Variants in MKI67 observed in about 807,000 individuals in gnomAD.
The protein encoded by MKI67 is proliferation marker protein Ki-67.
MKI67 carries 152 observed loss-of-function variants against 233.5 expected under a neutral mutation model. The ratio of observed to expected loss-of-function variants is 0.65; its 90% CI spans 0.57 to 0.74. The LOEUF (loss-of-function observed/expected upper bound fraction) is 0.74, where lower values mean the gene tolerates loss of function less well. MKI67 is among the 30% of genes least tolerant of loss of function. MKI67 has a pLI of 0.00. For synonymous variants in MKI67, 1,465 were observed against 1,418.5 expected, an observed-to-expected ratio of 1.03 and a Z score of -0.74; for missense variants, 3,940 against 3,885.2, an observed-to-expected ratio of 1.01 and a Z score of -0.37.
At position 128,103,753 on chromosome 10, in the gene MKI67, AGT is replaced by A; in HGVS notation, c.8085_8086del (p.Leu2696AspfsTer7). ...TATTTTAGTGGCTTTGCCAGCAGTCAGTGATTCCTGAGTGTGACCTGATGTTT... is the reference window on the plus strand; with the variant it reads ...TATTTTAGTGGCTTTGCCAGCAGTCAGATTCCTGAGTGTGACCTGATGTTT... On this transcript the variant is annotated frameshift_variant, in exon 13 of 15. Transcript: ENST00000368654. LOFTEE classifies it high-confidence loss of function. 1.2e-6 allele frequency: 2 copies of A among 1,613,622 alleles called. No homozygotes were observed. The highest frequency in any genetic ancestry group is 1.7e-6 in the Non-Finnish European group (2 of 1,179,966).
chr10:128,103,092 T>C lies in MKI67; in HGVS notation c.8748A>G (p.Glu2916=). ...AGAGCTCTTGGAAGCTGGCCAGATC[T>C]TCCAGGGGTTGGGCCTTTTCCTTAG... ...RAPKEKAQPL[E]DLASFQELSQ... Residue 2916 remains glutamate (E), a synonymous_variant, in exon 13 of 15, where the codon GAA becomes GAG. Coordinates refer to ENST00000368654, the MANE Select transcript of MKI67 (RefSeq NM_002417.5). 6.2e-7 allele frequency: 1 copy of C among 1,614,250 alleles called. No homozygotes were observed. Among genetic ancestry groups the C allele is most frequent in the Non-Finnish European group, 8.5e-7 (1 of 1,180,044 alleles).
Position 128,099,138 on chromosome 10 carries a change from G to T in MKI67, c.*52C>A. Reference sequence around the variant, plus strand: ...GTAATTTATGACAAAAACTGCACTAGAACTTATCACAAAACTAACTTTATT... The same window carrying T: ...GTAATTTATGACAAAAACTGCACTATAACTTATCACAAAACTAACTTTATT... On this transcript the variant is annotated 3_prime_UTR_variant, in exon 15 of 15. Transcript: ENST00000368654. 7.0e-7 allele frequency: 1 copy of T among 1,426,812 alleles called. No homozygotes were observed. The allele number at this position is 1,426,812 out of a possible 1,614,324, so 88.4% of individuals were successfully genotyped here. A position where few individuals can be genotyped will look rare whatever the true frequency, so the allele number is the denominator to read the frequency against.
rs149176396 is a variant in MKI67, at chr10:128,110,506, A to T, written c.2288T>A (p.Val763Glu). 1 of 1,564,672 alleles carries T rather than the reference A, an allele frequency of 6.4e-7. No homozygotes were observed. Among genetic ancestry groups the T allele is most frequent in the Non-Finnish European group, 8.7e-7 (1 of 1,142,874 alleles). The part of the protein sequence containing the change: ...SGIAEMFKTP[V>E]KEQPQLTSTC... ...GCTTGTCAACTGCGGTTGCTCCTTC[A>T]CTGGGGTCTTGAACATTTCAGCTAT... Residue 763 changes from valine (V) to glutamate (E), a missense_variant, in exon 12 of 15, where the codon GTG becomes GAG. Physicochemically the swap from Val to Glu is moderately radical, Grantham distance 121. Transcript: ENST00000368654.
At chr10:128,113,961 G>A (rs1852737399) in intron 7 of MKI67, among the ~76,000 whole-genome samples, 1 of 152,126 alleles carries the variant, frequency 6.6e-6, no homozygotes, top group African/African-American at 2.4e-5. Flanking sequence ...CTCAGCCTGA[G>A]CCACCCAGTG....
chr10:128,117,711 T>C (rs1179182353), intron 5 of MKI67, among the ~76,000 whole-genome samples: 1 of 152,236 alleles, frequency 6.6e-6, no homozygotes, highest in Non-Finnish European at 1.5e-5. Context: ...TTATTTCCAA[T>C]CTGAAGTGGA....
chr10:128,102,875 T>C lies in MKI67; in HGVS notation c.8965A>G (p.Thr2989Ala), dbSNP rs1203346373. The C allele has an allele frequency of 2.5e-6, 4 of 1,614,166 alleles. No individual in the cohort carries two copies. Among genetic ancestry groups the C allele is most frequent in the African/African-American group, 1.3e-5 (1 of 75,036 alleles). The change falls in exon 13 of 15, where the codon ACT becomes GCT. Residue 2989 changes from threonine to alanine, a missense_variant. Coordinates refer to ENST00000368654, the MANE Select transcript of MKI67 (RefSeq NM_002417.5). ...TTGAAGGGCAGTGGGGGCAGGGAAG[T>C]GTTGCTTTTGCTTTGTGATTTTACA... ...DPVKSQSKSNTSLPPLPFKRG... is the reference protein window; with the variant it reads ...DPVKSQSKSNASLPPLPFKRG...
chr10:128,115,481 A>T lies in MKI67; in HGVS notation c.927T>A (p.Pro309=), dbSNP rs780113234. ...CCTTGTTCTGGTCAAGCTCTTGTTC[A>T]GGTGAAGCAGGCTCTGCCACAGCGT... The part of the protein sequence containing the change: ...SGHAVAEPAS[P]EQELDQNKGK... The change falls in exon 7 of 15, where the codon CCT becomes CCA. Residue 309 remains proline, a synonymous_variant. Transcript: ENST00000368654. The T allele has an allele frequency of 1.2e-6, 2 of 1,613,906 alleles. No homozygotes were observed. The highest frequency in any genetic ancestry group is 1.1e-5 in the South Asian group (1 of 91,024).
chr10:128,115,459 T>C lies in MKI67; in HGVS notation c.949A>G (p.Lys317Glu), dbSNP rs1852781237. 1.9e-6 allele frequency: 3 copies of C among 1,613,694 alleles called. No individual in the cohort carries two copies. Among genetic ancestry groups the C allele is most frequent in the Non-Finnish European group, 2.5e-6 (3 of 1,179,926 alleles). ...GACTCCACGTCTCTTCCCTTCCCCTTGTTCTGGTCAAGCTCTTGTTCAGGT... is the reference window on the plus strand; with the variant it reads ...GACTCCACGTCTCTTCCCTTCCCCTCGTTCTGGTCAAGCTCTTGTTCAGGT... ...ASPEQELDQN[K>E]GKGRDVESVQ... The change falls in exon 7 of 15, where the codon AAG becomes GAG. Residue 317 changes from lysine (K) to glutamate (E), a missense_variant. Lys to Glu is a moderately conservative substitution (Grantham distance 56). Coordinates refer to ENST00000368654, the MANE Select transcript of MKI67 (RefSeq NM_002417.5).
intron 12 of MKI67, 115 bp from the exon 13 acceptor site, chr10:128,109,538 C>T (rs927058733): frequency 4.6e-6 from 5 of 1,084,324 alleles, no homozygotes; most frequent in Non-Finnish European, 6.5e-6. Context: ...ATTCACTGAA[C>T]GACATGAGGC....
In MKI67 at chr10:128,105,302, G is replaced by C; in HGVS notation, c.6538C>G (p.Gln2180Glu). The C allele has an allele frequency of 6.2e-7, 1 of 1,614,064 alleles. No homozygotes were observed. Among genetic ancestry groups the C allele is most frequent in the Admixed American group, 1.7e-5 (1 of 60,014 alleles). Residue 2180 changes from glutamine to glutamate, a missense_variant, in exon 13 of 15, where the codon CAG becomes GAG. Physicochemically the swap from Gln to Glu is conservative, Grantham distance 29 (BLOSUM62 2). Transcript: ENST00000368654. ...GCTTTTCCCTTAGGAGTTCTTGGCT[G>C]CCTCTTGCTACCAGTTACACTTGCT... ...PAASVTGSKR[Q>E]PRTPKGKAQP...
chr10:128,120,684 C>A lies in MKI67; in HGVS notation c.288-1365G>T, dbSNP rs531346385. Among the ~76,000 whole-genome samples the A allele has an allele frequency of 3.9e-5, 6 of 152,162 alleles. No individual in the cohort carries two copies. In the South Asian group the frequency reaches 8.3e-4, roughly 21 times the overall value. The stretch of plus-strand genomic sequence containing the variant: ...ACAAATGAAGACAATAACAGAGATT[C>A]ATTTAGCAGAATGGATTTTTAAATG... On this transcript the variant is annotated intron_variant, in intron 4 of 14. Transcript: ENST00000368654.
In MKI67 at chr10:128,113,509, G is replaced by A. The variant is rs201423368; in HGVS notation, c.1574C>T (p.Thr525Met). ...TGGGGCTTCTCCCCTTTTGAGAGGC[G>A]TATTAGGAGGCAAGTTTTCATCAAA... ...ELFDENLPPN[T>M]PLKRGEAPTK... The change falls in exon 8 of 15, where the codon ACG (threonine) becomes ATG (methionine). Residue 525 changes from threonine (T) to methionine (M), a missense_variant. Thr to Met is a moderately conservative substitution (Grantham distance 81). Coordinates refer to ENST00000368654, the MANE Select transcript of MKI67 (RefSeq NM_002417.5). 77 of 1,614,004 alleles carry A rather than the reference G, an allele frequency of 4.8e-5. No individual in the cohort carries two copies. The highest frequency in any genetic ancestry group is 5.8e-5 in the Non-Finnish European group (68 of 1,180,012).
At chr10:128,119,103 C>A (rs1205180457) in intron 5 of MKI67, 150 bp downstream of exon 5, 3 of 643,464 alleles carry the variant, frequency 4.7e-6, no homozygotes, top group Non-Finnish European at 8.3e-6. Flanking sequence ...CGTCTAAGTT[C>A]AACTCGTTTT....
chr10:128,112,869 C>A (rs1852712030), intron 8 of MKI67, among the ~76,000 whole-genome samples: 2 of 152,152 alleles, frequency 1.3e-5, no homozygotes, highest in Admixed American at 1.3e-4. Flanking sequence ...GAAAGACCGC[C>A]CAGGCCCTAT....
intron 4 of MKI67, among the ~76,000 whole-genome samples, chr10:128,120,350 G>A (rs1313837346): frequency 6.6e-6 from 1 of 151,928 alleles, no homozygotes; most frequent in African/African-American, 2.4e-5. Flanking sequence ...AAATTAGCCG[G>A]GTGTTGTGGC....
At chr10:128,113,276 T>C (rs1852721936) in intron 8 of MKI67, 151 bp downstream of exon 8, 2 of 939,522 alleles carry the variant, frequency 2.1e-6, no homozygotes, top group African/African-American at 1.7e-5. Context: ...CCCACATCAA[T>C]GAGCTTTCAT....
In MKI67 at chr10:128,112,454, A is replaced by G. The variant is rs759090748; in HGVS notation, c.1657-9T>C. 1.2e-6 allele frequency: 2 copies of G among 1,611,628 alleles called. No individual in the cohort carries two copies. Among genetic ancestry groups the G allele is most frequent in the Non-Finnish European group, 1.7e-6 (2 of 1,178,370 alleles). ...GATGGTTGAGGCTGTTCCTGACAAGACAAAATTGTTTACAAGAAGCCTTAA... is the reference window on the plus strand; with the variant it reads ...GATGGTTGAGGCTGTTCCTGACAAGGCAAAATTGTTTACAAGAAGCCTTAA... On this transcript the variant is annotated splice_polypyrimidine_tract_variant and intron_variant, in intron 8 of 14. Coordinates refer to ENST00000368654, the MANE Select transcript of MKI67 (RefSeq NM_002417.5).
chr10:128,106,401 A>G lies in MKI67; in HGVS notation c.5439T>C (p.Pro1813=). The G allele has an allele frequency of 6.2e-7, 1 of 1,613,490 alleles. No homozygotes were observed. Among genetic ancestry groups the G allele is most frequent in the African/African-American group, 1.3e-5 (1 of 74,776 alleles). Residue 1813 remains proline (P), a synonymous_variant, in exon 13 of 15, where the codon CCT becomes CCC. Coordinates refer to ENST00000368654, the MANE Select transcript of MKI67 (RefSeq NM_002417.5). The part of the protein sequence containing the change: ...VQKLDQPGNL[P]GSNRRLQTRK... The stretch of plus-strand genomic sequence containing the variant: ...GAGTTTGTAGCCGTCTATTGCTGCC[A>G]GGTAAATTTCCTGGCTGGTCCAGTT...
At position 128,101,581 on chromosome 10, in the gene MKI67, A is replaced by C; in HGVS notation, c.9382T>G (p.Ser3128Ala). ...GGATTCTGAATGTCCATCTCTGGGG[A>C]GGTCTTCATGGGCTTCTTTTCATTT... ...NRNEKKPMKT[S>A]PEMDIQNPDD... Residue 3128 changes from serine to alanine, a missense_variant, in exon 14 of 15, where the codon TCC (serine) becomes GCC (alanine). Ser to Ala is a moderately conservative substitution (Grantham distance 99, BLOSUM62 1). Coordinates refer to ENST00000368654, the MANE Select transcript of MKI67 (RefSeq NM_002417.5). 1 of 1,614,104 alleles carries C rather than the reference A, an allele frequency of 6.2e-7. No homozygotes were observed. Among genetic ancestry groups the C allele is most frequent in the African/African-American group, 1.3e-5 (1 of 74,986 alleles).
Sources: gnomAD v4.1 joint callset for allele counts (sites outside exome capture counted in the v4.1 genomes callset) on GRCh38, gnomAD v4.1.1 for gene constraint, MANE v1.5 for transcripts, NCBI Gene and HGNC (gene_info 2026-07-23, HGNC 2026-07-21) for gene names.